CEP104: variants seen among roughly 807,000 people sequenced by gnomAD.
The protein encoded by CEP104 is centrosomal protein of 104 kDa.
Under a neutral mutation model 113.3 loss-of-function variants are expected in CEP104, and 84 were observed. The observed-to-expected ratio is 0.74, with a 90% CI of 0.62 to 0.89. The LOEUF (loss-of-function observed/expected upper bound fraction) is 0.89. Among genes scored for constraint, CEP104 ranks in the 40% least tolerant of loss-of-function variants. The probability of loss-of-function intolerance (pLI) is 0.00; values close to 1 mark genes in which losing one functional copy is unlikely to be tolerated. For synonymous variants in CEP104, 378 were observed against 421.7 expected (o/e 0.90, Z 1.27); for missense variants, 1,053 against 1,156.6 (o/e 0.91, Z 1.30).
chr1:3,829,262 C>T lies in CEP104; in HGVS notation c.2151+4G>A. 1 of 1,574,282 alleles carries T rather than the reference C, an allele frequency of 6.4e-7. No homozygotes were observed. Among genetic ancestry groups the T allele is most frequent in the Non-Finnish European group, 8.6e-7 (1 of 1,165,794 alleles). ...CACAGGTGAAAGACGTGTTAACTTCCAACCTGAACTTCAGCCTGAATTTCT... is the reference window on the plus strand; with the variant it reads ...CACAGGTGAAAGACGTGTTAACTTCTAACCTGAACTTCAGCCTGAATTTCT... On this transcript the variant is annotated splice_donor_region_variant and intron_variant, in intron 15 of 21. Transcript: ENST00000378230.
intron 6 of CEP104, among the ~76,000 whole-genome samples, chr1:3,841,289 C>G (rs1443168114): frequency 1.3e-5 from 2 of 152,134 alleles, no homozygotes; most frequent in Non-Finnish European, 2.9e-5. Flanking sequence ...TCACAGCCCC[C>G]CTCTGGCATC....
In CEP104 at chr1:3,836,499, G is replaced by A. The variant is rs776187298; in HGVS notation, c.1313C>T (p.Thr438Ile). The change falls in exon 10 of 22, where the codon ACC becomes ATC. Residue 438 changes from threonine (T) to isoleucine (I), a missense_variant. Transcript: ENST00000378230. ...ASSAIDVLGE[T>I]LVAEAYCKTW... ...TTTTTTTTTTTTTTTTTTTACCAAG[G>A]TTTCTCCCAACACATCGATGGCAGA... 3.2e-6 allele frequency: 4 copies of A among 1,237,516 alleles called. No individual in the cohort carries two copies. Among genetic ancestry groups the A allele is most frequent in the Non-Finnish European group, 4.3e-6 (4 of 932,098 alleles). 76.7% of individuals were successfully genotyped at this position (1,237,516 alleles called of 1,614,324 possible).
At chr1:3,831,442 A>T (rs560115345) in intron 12 of CEP104, among the ~76,000 whole-genome samples, 2 of 152,386 alleles carry the variant, frequency 1.3e-5, no homozygotes, top group Admixed American at 1.3e-4. Context: ...AAATAAAATC[A>T]TGAAGAATAA....
intron 3 of CEP104, 46 bp from the exon 4 acceptor site, chr1:3,847,659 A>G: frequency 1.2e-6 from 2 of 1,602,266 alleles, no homozygotes; most frequent in East Asian, 2.2e-5. Flanking sequence ...GTGCTGTTCA[A>G]TAAAACTGCT....
chr1:3,827,619 C>T (rs1211165713), intron 15 of CEP104, among the ~76,000 whole-genome samples: 1 of 152,216 alleles, frequency 6.6e-6, no homozygotes, highest in Admixed American at 6.5e-5. Flanking sequence ...TGAGAGCACT[C>T]CATGCCACCA....
intron 20 of CEP104, among the ~76,000 whole-genome samples, chr1:3,818,754 A>G (rs1383183821): frequency 1.3e-5 from 2 of 152,238 alleles, no homozygotes; most frequent in African/African-American, 4.8e-5. Context: ...TTATTATAAA[A>G]TGAGTGTACA....
At chr1:3,817,057 G>A (rs934706646) in intron 20 of CEP104, among the ~76,000 whole-genome samples, 7 of 152,202 alleles carry the variant, frequency 4.6e-5, no homozygotes, top group Non-Finnish European at 7.3e-5. Context: ...GAGGCTGGGC[G>A]CGGTGGCTCA....
At chr1:3,825,363 C>A (rs1644069736) in intron 18 of CEP104, among the ~76,000 whole-genome samples, 1 of 152,204 alleles carries the variant, frequency 6.6e-6, no homozygotes, top group Non-Finnish European at 1.5e-5. Flanking sequence ...CTGGACGCAG[C>A]CCTGGCGCAC....
intron 1 of CEP104, among the ~76,000 whole-genome samples, chr1:3,853,886 G>A (rs113120570): frequency 6.6e-6 from 1 of 152,026 alleles, no homozygotes; most frequent in Admixed American, 6.5e-5. Flanking sequence ...CTTGAGCCCA[G>A]GAGTTCGAGA....
intron 1 of CEP104, among the ~76,000 whole-genome samples, chr1:3,856,175 G>A (rs1366201038): frequency 2.0e-5 from 3 of 152,188 alleles, no homozygotes; most frequent in Non-Finnish European, 2.9e-5. Context: ...TCGGGAGGCC[G>A]AGGAGGGCGT....
chr1:3,837,641 G>GA, intron 8 of CEP104, 122 bp from the exon 9 acceptor site: 1 of 840,686 alleles, frequency 1.2e-6, no homozygotes, highest in Non-Finnish European at 1.8e-6. Context: ...TTGGCACAAT[G>GA]AAAAATTTCA....
At chr1:3,841,158 G>A (rs1318857204) in intron 6 of CEP104, among the ~76,000 whole-genome samples, 2 of 152,148 alleles carry the variant, frequency 1.3e-5, no homozygotes, top group African/African-American at 2.4e-5. Flanking sequence ...TGCTTACGGC[G>A]ACTTGAACAC....
At chr1:3,829,422 T>C (rs1306138651) in intron 14 of CEP104, 49 bp from the exon 15 acceptor site, 1 of 1,388,082 alleles carries the variant, frequency 7.2e-7, no homozygotes, top group South Asian at 1.3e-5. Context: ...AGGGTAATCT[T>C]AGAAACTGGG....
At chr1:3,838,492 C>T (rs1644355796) in intron 8 of CEP104, among the ~76,000 whole-genome samples, 1 of 152,166 alleles carries the variant, frequency 6.6e-6, no homozygotes, top group South Asian at 2.1e-4. Context: ...TATCTCAGAA[C>T]CTTCATTTCC....
rs1570802680 is a variant in CEP104 at position 3,833,671 on chromosome 1, T to C, written c.1659+191A>G. On this transcript the variant is annotated intron_variant, in intron 12 of 21. Coordinates refer to ENST00000378230, the MANE Select transcript of CEP104 (RefSeq NM_014704.4). ...AAAAAACATTGGAAAAACCCAACTG[T>C]AGATTTTAACTGAAGTTTATGTCTA... 8.6e-6 allele frequency: 4 copies of C among 464,826 alleles called. No homozygotes were observed. In the East Asian group the frequency reaches 1.2e-4, roughly 14 times the overall value. The allele number at this position is 464,826 out of a possible 1,614,324, so 28.8% of individuals were successfully genotyped here. A position where few individuals can be genotyped will look rare whatever the true frequency, so the allele number is the denominator to read the frequency against.
Position 3,815,290 on chromosome 1 carries a change from G to C in CEP104, c.*112C>G, listed in dbSNP as rs778322536. 2.7e-5 allele frequency: 21 copies of C among 779,434 alleles called. No homozygotes were observed. The highest frequency in any genetic ancestry group is 4.0e-5 in the Non-Finnish European group (19 of 469,230). 48.3% of individuals were successfully genotyped at this position (779,434 alleles called of 1,614,324 possible). A position where few individuals can be genotyped will look rare whatever the true frequency, so the allele number is the denominator to read the frequency against. On this transcript the variant is annotated 3_prime_UTR_variant, in exon 22 of 22. Coordinates refer to ENST00000378230, the MANE Select transcript of CEP104 (RefSeq NM_014704.4). ...AAGAGGCGTGCACGGCGGGGAGCTGGGGACAGCAGCCAGAGCATGGGGCCA... is the reference window on the plus strand; with the variant it reads ...AAGAGGCGTGCACGGCGGGGAGCTGCGGACAGCAGCCAGAGCATGGGGCCA...
intron 16 of CEP104, 123 bp from the exon 17 acceptor site, chr1:3,826,559 G>T (rs1259233061): frequency 2.3e-6 from 3 of 1,306,830 alleles, no homozygotes; most frequent in Non-Finnish European, 3.3e-6. Flanking sequence ...TTTCCATTCA[G>T]CTGGGAGATG....
chr1:3,845,986 G>A (rs1391583917), intron 4 of CEP104, among the ~76,000 whole-genome samples: 1 of 151,256 alleles, frequency 6.6e-6, no homozygotes, highest in East Asian at 1.9e-4. Context: ...GGCTGAGGCA[G>A]GAGAATTGTT....
At chr1:3,843,131 A>G (rs1056253248) in intron 6 of CEP104, 4 of 652,538 alleles carry the variant, frequency 6.1e-6, no homozygotes, top group Non-Finnish European at 1.1e-5. Flanking sequence ...TGCGGCAACT[A>G]TGGCAGCCCT....
Sources: allele counts gnomAD v4.1 joint callset (sites outside exome capture counted in the v4.1 genomes callset), GRCh38; gene constraint gnomAD v4.1.1; transcripts MANE v1.5; gene names NCBI Gene and HGNC (gene_info 2026-07-23, HGNC 2026-07-21).